RTN1: variants seen among roughly 807,000 people sequenced by gnomAD.
RTN1 encodes reticulon-1.
In RTN1, 25 loss-of-function variants were observed where a neutral mutation model predicts 65.5. The ratio of observed to expected loss-of-function variants is 0.38; its 90% confidence interval spans 0.28 to 0.53. RTN1 has a LOEUF of 0.53. Ranked by LOEUF, RTN1 falls within the 20% of genes least tolerant of loss-of-function variation. The probability of loss-of-function intolerance (pLI) is 0.79; values close to 1 mark genes in which losing one functional copy is unlikely to be tolerated. For missense variants in RTN1, 983 were observed against 1,025.4 expected (o/e 0.96, Z 0.57); for synonymous variants, 471 against 447.6 (o/e 1.05, Z -0.66).
At chr14:59,700,524 C>G (rs1884155674) in intron 3 of RTN1, among the ~76,000 whole-genome samples, 1 of 152,096 alleles carries the variant, frequency 6.6e-6, no homozygotes, top group Admixed American at 6.5e-5. Context: ...TAAGTCTAGA[C>G]AATAAATCAA....
chr14:59,843,059 T>C (rs1312234915), intron 1 of RTN1, among the ~76,000 whole-genome samples: 3 of 152,230 alleles, frequency 2.0e-5, no homozygotes, highest in East Asian at 1.9e-4. Context: ...GTATTCACAA[T>C]AGCTTTAAAA....
At position 59,749,884 on chromosome 14, in the gene RTN1, T is replaced by C. The variant is rs1885402579; in HGVS notation, c.242-3403A>G. 5.2e-5 allele frequency among the ~76,000 whole-genome samples: 6 copies of C among 114,342 alleles called. No individual in the cohort carries two copies. In the South Asian group the frequency reaches 1.4e-3, roughly 26 times the overall value. 75.0% of individuals were successfully genotyped at this position (114,342 alleles called of 152,430 possible). A position where few individuals can be genotyped will look rare whatever the true frequency, so the allele number is the denominator to read the frequency against. ...ATGTATATTTATATATCTATATATATACACATATATATATTCCTCCTGGGA... is the reference window on the plus strand; with the variant it reads ...ATGTATATTTATATATCTATATATACACACATATATATATTCCTCCTGGGA... On this transcript the variant is annotated intron_variant, in intron 1 of 8. Transcript: ENST00000267484.
intron 2 of RTN1, among the ~76,000 whole-genome samples, chr14:59,740,357 T>C (rs1885092820): frequency 6.6e-6 from 1 of 152,228 alleles, no homozygotes; most frequent in Non-Finnish European, 1.5e-5. Flanking sequence ...CCATGTGTGA[T>C]TCTAACAGTC....
intron 3 of RTN1, among the ~76,000 whole-genome samples, chr14:59,678,185 C>T (rs894215073): frequency 6.6e-6 from 1 of 152,260 alleles, no homozygotes; most frequent in Non-Finnish European, 1.5e-5. Flanking sequence ...ATTTGGAAGG[C>T]TGCCAAAGCT....
intron 1 of RTN1, among the ~76,000 whole-genome samples, chr14:59,771,634 G>A (rs894766755): frequency 1.3e-5 from 2 of 152,176 alleles, no homozygotes; most frequent in African/African-American, 2.4e-5. Flanking sequence ...AATGCCAAAT[G>A]GCTGCTGGAA....
In RTN1 at chr14:59,724,711, ACT is replaced by A. The variant is rs145955011; in HGVS notation, c.1765+2206_1765+2207del. Among the ~76,000 whole-genome samples the A allele has an allele frequency of 2.3e-3, 333 of 146,674 alleles. 8 individuals carry two copies. In the East Asian group the frequency reaches 0.036, roughly 16 times the overall value. The stretch of plus-strand genomic sequence containing the variant: ...CTCCAGCCTGGGCAACAAAAGTGAA[ACT>A]CTGTGTCAGACGAAAAAAAAAAAAA... On this transcript the variant is annotated intron_variant, in intron 3 of 8. Transcript: ENST00000267484.
chr14:59,625,970 T>C (rs2140180626), intron 3 of RTN1, among the ~76,000 whole-genome samples: 1 of 152,322 alleles, frequency 6.6e-6, no homozygotes, highest in African/African-American at 2.4e-5. Context: ...TCCCATTGGA[T>C]CCCATTAGAA....
chr14:59,707,549 A>AT (rs1277372029), intron 3 of RTN1, among the ~76,000 whole-genome samples: 4 of 152,150 alleles, frequency 2.6e-5, no homozygotes, highest in Admixed American at 2.6e-4. Context: ...CTGGCATGCA[A>AT]TGGGTTCTCA....
At chr14:59,828,790 G>C (rs1887076973) in intron 1 of RTN1, among the ~76,000 whole-genome samples, 3 of 152,148 alleles carry the variant, frequency 2.0e-5, no homozygotes. Context: ...GGGGGAAAGG[G>C]AAGTAACATG....
intron 3 of RTN1, chr14:59,630,430 G>T: frequency 6.2e-7 from 1 of 1,613,352 alleles, no homozygotes; most frequent in South Asian, 1.1e-5. Flanking sequence ...ATGCACTACT[G>T]AAATAAAGAG....
chr14:59,727,743 T>G lies in RTN1; in HGVS notation c.1016-75A>C. The G allele has an allele frequency of 6.7e-7, 1 of 1,481,534 alleles. No homozygotes were observed. The highest frequency in any genetic ancestry group is 9.0e-7 in the Non-Finnish European group (1 of 1,117,300). 91.8% of individuals were successfully genotyped at this position (1,481,534 alleles called of 1,614,324 possible). On this transcript the variant is annotated intron_variant, in intron 2 of 8. Transcript: ENST00000267484. This position sits in a 1 kb window ranked among gnomAD's most constrained non-coding sequence, Gnocchi z 4.2. ...GACAGATGGACAGAGAGAGGAGGGA[T>G]AAAACAAAATTCCATTAGGCGAGAT...
intron 2 of RTN1, among the ~76,000 whole-genome samples, chr14:59,729,728 T>C (rs952496773): frequency 6.6e-6 from 1 of 152,238 alleles, no homozygotes; most frequent in African/African-American, 2.4e-5. Context: ...TAGATTAAGC[T>C]ACTTGTCCAA....
chr14:59,596,508 A>G lies in RTN1; in HGVS notation c.*237T>C, dbSNP rs1881402695. On this transcript the variant is annotated 3_prime_UTR_variant, in exon 9 of 9. Coordinates refer to ENST00000267484, the MANE Select transcript of RTN1 (RefSeq NM_021136.3). ...CATCATGCACTTTTTTTAGCAACAC[A>G]AAATTAAAAACCACATCTAATACAC... The G allele has an allele frequency of 3.1e-6, 1 of 327,646 alleles. No homozygotes were observed. The highest frequency in any genetic ancestry group is 2.1e-5 in the African/African-American group (1 of 47,022). 20.3% of individuals were successfully genotyped at this position (327,646 alleles called of 1,614,324 possible).
chr14:59,843,890 T>G (rs1423099732), intron 1 of RTN1, among the ~76,000 whole-genome samples: 3 of 152,156 alleles, frequency 2.0e-5, no homozygotes, highest in African/African-American at 4.8e-5. Context: ...TATAAACATT[T>G]TAAAGGCACT....
chr14:59,748,321 G>A (rs1488377799), intron 1 of RTN1, among the ~76,000 whole-genome samples: 4 of 149,234 alleles, frequency 2.7e-5, no homozygotes, highest in East Asian at 2.0e-4. Context: ...GTTTCTCTAC[G>A]GGCAGTGGAA....
chr14:59,694,436 C>T (rs1957989), intron 3 of RTN1, among the ~76,000 whole-genome samples: 99,753 of 152,046 alleles, frequency 0.66, 32,925 homozygotes, highest in South Asian at 0.72. Flanking sequence ...CACTTACACA[C>T]ACATGGCACT....
rs554676976 is a variant in RTN1 at position 59,746,851 on chromosome 14, C to T, written c.242-370G>A. ...CTTTGTATCTAAAGTATTAACAGCTCTTTAAGTAGAGGTGGAAATTAGGCT... is the reference window on the plus strand; with the variant it reads ...CTTTGTATCTAAAGTATTAACAGCTTTTTAAGTAGAGGTGGAAATTAGGCT... On this transcript the variant is annotated intron_variant, in intron 1 of 8. Coordinates refer to ENST00000267484, the MANE Select transcript of RTN1 (RefSeq NM_021136.3). Among the ~76,000 whole-genome samples the T allele has an allele frequency of 8.5e-5, 13 of 152,238 alleles. 1 individual carries two copies. In the South Asian group the frequency reaches 2.7e-3, roughly 32 times the overall value.
At chr14:59,741,348 C>T (rs1325792315) in intron 2 of RTN1, among the ~76,000 whole-genome samples, 1 of 152,180 alleles carries the variant, frequency 6.6e-6, no homozygotes. Context: ...CTCTCCTCAC[C>T]CCCACCGCCA....
chr14:59,674,673 T>C (rs1434412598), intron 3 of RTN1, among the ~76,000 whole-genome samples: 1 of 152,186 alleles, frequency 6.6e-6, no homozygotes, highest in Non-Finnish European at 1.5e-5. Context: ...GTGTATGTTA[T>C]TCAACATATT....
Sources: gnomAD v4.1 joint callset for allele counts (sites outside exome capture counted in the v4.1 genomes callset) on GRCh38, gnomAD v4.1.1 for gene constraint, Gnocchi (gnomAD v3.1) non-coding constraint, MANE v1.5 for transcripts, NCBI Gene and HGNC (gene_info 2026-07-23, HGNC 2026-07-21) for gene names.